The following RBMS3 variants were observed in gnomAD, a reference collection of about 807,000 sequenced individuals.
RBMS3 encodes the protein RNA binding motif single stranded interacting protein 3.
RBMS3 carries 27 observed loss-of-function variants against 66.8 expected under a neutral mutation model. That is an observed-to-expected ratio of 0.40 (90% CI 0.30 to 0.56). RBMS3 has a LOEUF of 0.56. Ranked by LOEUF, RBMS3 falls within the 20% of genes least tolerant of loss-of-function variation. RBMS3 has a pLI of 0.40. For synonymous variants in RBMS3, 188 were observed against 183.0 expected, an observed-to-expected ratio of 1.03 and a Z score of -0.22; for missense variants, 513 against 549.5, an observed-to-expected ratio of 0.93 and a Z score of 0.66.
rs116230358 is a variant in RBMS3 at position 29,292,140 on chromosome 3, A to C, written c.75+10384A>C. 8.4e-3 allele frequency among the ~76,000 whole-genome samples: 1,274 copies of C among 151,910 alleles called. 16 individuals carry two copies. Among genetic ancestry groups the C allele is most frequent in the African/African-American group, 0.029 (1,215 of 41,506 alleles). ...AATTTTTCTTCCCAGCCCTCTAGAC[A>C]GATCTCACTGAATTTCATCAGCAGA... On this transcript the variant is annotated intron_variant, in intron 1 of 14. Coordinates refer to ENST00000383767, the MANE Select transcript of RBMS3 (RefSeq NM_001003793.3).
At chr3:29,651,598 A>G (rs1576442015) in intron 4 of RBMS3, among the ~76,000 whole-genome samples, 1 of 146,144 alleles carries the variant, frequency 6.8e-6, no homozygotes, top group South Asian at 2.1e-4. Context: ...CCGAAAAACC[A>G]CAGTTTTTTA....
chr3:29,411,692 C>G (rs1177072420), intron 1 of RBMS3, among the ~76,000 whole-genome samples: 1 of 152,182 alleles, frequency 6.6e-6, no homozygotes, highest in Non-Finnish European at 1.5e-5. Flanking sequence ...CTCTGTTCTT[C>G]GCTTTGGCAG....
At chr3:29,649,799 A>T (rs1466308395) in intron 4 of RBMS3, among the ~76,000 whole-genome samples, 1 of 152,212 alleles carries the variant, frequency 6.6e-6, no homozygotes, top group Non-Finnish European at 1.5e-5. Flanking sequence ...TGTTCTCCAA[A>T]GATAAAATTT....
intron 10 of RBMS3, among the ~76,000 whole-genome samples, chr3:29,910,811 G>A (rs540010435): frequency 9.2e-5 from 14 of 151,902 alleles, no homozygotes; most frequent in South Asian, 4.2e-4. Context: ...TGTGTATGGC[G>A]TGTACGGATT....
intron 2 of RBMS3, among the ~76,000 whole-genome samples, chr3:29,487,426 G>A (rs2043362915): frequency 6.6e-6 from 1 of 152,164 alleles, no homozygotes; most frequent in South Asian, 2.1e-4. Flanking sequence ...AACTGTAAAT[G>A]TAATTATCTT....
intron 12 of RBMS3, among the ~76,000 whole-genome samples, chr3:29,952,696 C>T (rs2149718075): frequency 6.6e-6 from 1 of 151,836 alleles, no homozygotes; most frequent in African/African-American, 2.4e-5. Context: ...GTGCTTTTGC[C>T]ACCCAAGATA....
At chr3:29,627,363 G>C (rs907813419) in intron 4 of RBMS3, among the ~76,000 whole-genome samples, 4 of 151,316 alleles carry the variant, frequency 2.6e-5, no homozygotes, top group Admixed American at 2.0e-4. Context: ...CAGCACTATT[G>C]GCATTTGAGG....
At chr3:29,478,777 G>A (rs185574522) in intron 2 of RBMS3, among the ~76,000 whole-genome samples, 19 of 152,262 alleles carry the variant, frequency 1.2e-4, no homozygotes, top group Non-Finnish European at 2.2e-4. Flanking sequence ...TTACGTATTC[G>A]GTTGATGTTG....
intron 4 of RBMS3, among the ~76,000 whole-genome samples, chr3:29,612,549 C>T (rs1231953006): frequency 1.3e-5 from 2 of 151,924 alleles, no homozygotes; most frequent in Non-Finnish European, 2.9e-5. Flanking sequence ...TATGCCTTTA[C>T]ATTATTGGTG....
chr3:29,884,471 C>CCCTCT (rs2059820512), intron 8 of RBMS3, among the ~76,000 whole-genome samples: 1 of 38,932 alleles, frequency 2.6e-5, no homozygotes, highest in African/African-American at 7.2e-5. Flanking sequence ...TCTCTCTCTC[C>CCCTCT]CCCCCCGCTC....
chr3:29,948,212 G>C (rs1421634891), intron 12 of RBMS3, among the ~76,000 whole-genome samples: 3 of 151,710 alleles, frequency 2.0e-5, no homozygotes, highest in Non-Finnish European at 4.4e-5. Flanking sequence ...CCATGGAGTT[G>C]TGCTCTACGA....
chr3:29,983,100 G>A (rs1326770425), intron 12 of RBMS3, among the ~76,000 whole-genome samples: 1 of 152,112 alleles, frequency 6.6e-6, no homozygotes, highest in African/African-American at 2.4e-5. Context: ...CATGTATTGG[G>A]TGCATATATA....
chr3:29,910,363 G>T (rs1488579838), intron 10 of RBMS3, among the ~76,000 whole-genome samples: 2 of 152,006 alleles, frequency 1.3e-5, no homozygotes, highest in Non-Finnish European at 2.9e-5. Flanking sequence ...TTCTTTCATA[G>T]CACATTGGAA....
intron 8 of RBMS3, among the ~76,000 whole-genome samples, chr3:29,884,893 T>C (rs1304778467): frequency 6.6e-6 from 1 of 151,966 alleles, no homozygotes; most frequent in Non-Finnish European, 1.5e-5. Context: ...GCTTATTTCC[T>C]GTCACTGTCT....
At chr3:29,692,799 C>G (rs891180225) in intron 4 of RBMS3, among the ~76,000 whole-genome samples, 1 of 152,180 alleles carries the variant, frequency 6.6e-6, no homozygotes, top group African/African-American at 2.4e-5. Context: ...AAGCAGGAAA[C>G]ATAACCTTAA....
intron 6 of RBMS3, among the ~76,000 whole-genome samples, chr3:29,803,735 C>T (rs2149446692): frequency 6.6e-6 from 1 of 151,936 alleles, no homozygotes; most frequent in Non-Finnish European, 1.5e-5. Flanking sequence ...TACACACACA[C>T]ATTTGAACAC....
chr3:29,644,969 A>T (rs1289514307), intron 4 of RBMS3, among the ~76,000 whole-genome samples: 1 of 152,240 alleles, frequency 6.6e-6, no homozygotes, highest in Non-Finnish European at 1.5e-5. Context: ...TAATCCCTGT[A>T]GAAGTATTGC....
intron 6 of RBMS3, among the ~76,000 whole-genome samples, chr3:29,837,931 C>T (rs75538884): frequency 0.024 from 3,645 of 150,770 alleles, 156 homozygotes; most frequent in Admixed American, 0.11. Flanking sequence ...TGAAAGGTGT[C>T]GAATTGTCAT....
chr3:29,983,040 C>T (rs188986646), intron 12 of RBMS3, among the ~76,000 whole-genome samples: 24 of 152,216 alleles, frequency 1.6e-4, no homozygotes, highest in African/African-American at 5.8e-4. Flanking sequence ...GTGTGGGAGT[C>T]TAAGTCTCTT....
Sources: gnomAD v4.1 joint callset for allele counts (sites outside exome capture counted in the v4.1 genomes callset) on GRCh38, gnomAD v4.1.1 for gene constraint, MANE v1.5 for transcripts, NCBI Gene and HGNC (gene_info 2026-07-23, HGNC 2026-07-21) for gene names.